ELAVL2: variants seen among roughly 807,000 people sequenced by gnomAD.
ELAVL2 encodes the protein ELAV like RNA binding protein 2.
ELAVL2 carries 4 observed loss-of-function variants against 34.6 expected under a neutral mutation model. That is an observed-to-expected ratio of 0.12 (90% confidence interval 0.06 to 0.26). The LOEUF (loss-of-function observed/expected upper bound fraction) is 0.26, where lower values mean the gene tolerates loss of function less well. ELAVL2 is among the 10% of genes least tolerant of loss of function. The probability of loss-of-function intolerance (pLI) is 1.00; values close to 1 mark genes in which losing one functional copy is unlikely to be tolerated. For synonymous variants in ELAVL2, 193 were observed against 154.8 expected, an observed-to-expected ratio of 1.25 and a Z score of -1.83; for missense variants, 432 against 442.8, an observed-to-expected ratio of 0.98 and a Z score of 0.22.
chr9:23,727,867 G>C, intron 3 of ELAVL2, among the ~76,000 whole-genome samples: 1 of 151,970 alleles, frequency 6.6e-6, no homozygotes, highest in East Asian at 1.9e-4. Flanking sequence ...AGGAGAAACT[G>C]CTAAATAAAC....
the ELAVL2 span, among the ~76,000 whole-genome samples, chr9:23,841,557 C>G: frequency 6.6e-6 from 1 of 152,222 alleles, no homozygotes; most frequent in South Asian, 2.1e-4. Context: ...TCTGAGGACT[C>G]CCTACCCTCG....
chr9:23,717,346 T>C (rs982572760), intron 3 of ELAVL2, among the ~76,000 whole-genome samples: 3 of 152,150 alleles, frequency 2.0e-5, no homozygotes, highest in African/African-American at 7.2e-5. Flanking sequence ...TACGAGCAAA[T>C]TACTTGATCC....
Position 23,755,221 on chromosome 9 carries a change from A to T in ELAVL2, c.229+6785T>A, listed in dbSNP as rs1201577909. Among the ~76,000 whole-genome samples, 3 of 152,144 alleles carry T rather than the reference A, an allele frequency of 2.0e-5. No individual in the cohort carries two copies. The East Asian group carries it at 5.8e-4, about 29-fold the overall frequency. The stretch of plus-strand genomic sequence containing the variant: ...CAGGTACTAAACAAAAGAGGACAGA[A>T]GTTGTTTTTCCTAACAATGATAAAG... On this transcript the variant is annotated intron_variant, in intron 2 of 6. Transcript: ENST00000397312.
At chr9:23,715,686 C>A (rs938394900) in intron 3 of ELAVL2, among the ~76,000 whole-genome samples, 2 of 152,152 alleles carry the variant, frequency 1.3e-5, no homozygotes, top group Non-Finnish European at 2.9e-5. Context: ...ATCAAGATAA[C>A]CATGGCAACT....
intron 1 of ELAVL2, among the ~76,000 whole-genome samples, chr9:23,773,446 G>A (rs879418981): frequency 5.9e-5 from 9 of 152,106 alleles, no homozygotes; most frequent in Non-Finnish European, 1.2e-4. Context: ...AGTTGTCTTA[G>A]TATCATTCAA....
At chr9:23,833,833 A>G in the ELAVL2 span, among the ~76,000 whole-genome samples, 1 of 151,964 alleles carries the variant, frequency 6.6e-6, no homozygotes, top group African/African-American at 2.4e-5. Flanking sequence ...AAAATGTTGG[A>G]AGCTTTTGAA....
intron 2 of ELAVL2, among the ~76,000 whole-genome samples, chr9:23,747,789 C>T (rs955420112): frequency 2.6e-5 from 4 of 152,156 alleles, no homozygotes; most frequent in African/African-American, 9.7e-5. Flanking sequence ...AATTGCTTTT[C>T]AGTTGTCAAT....
At chr9:23,821,803 G>A (rs2064812566) in intron 1 of ELAVL2, 2 of 151,486 alleles carry the variant, frequency 1.3e-5, no homozygotes, top group Non-Finnish European at 2.9e-5. Flanking sequence ...TCACCCGGCC[G>A]GCTACTGCCT....
At chr9:23,831,269 G>A (rs1447842966), upstream of ELAVL2, among the ~76,000 whole-genome samples, 1 of 152,020 alleles carries the variant, frequency 6.6e-6, no homozygotes, top group Non-Finnish European at 1.5e-5. Flanking sequence ...CATCCAGGGC[G>A]CTCCGCACGC....
chr9:23,785,595 C>T (rs1239388416), intron 1 of ELAVL2, among the ~76,000 whole-genome samples: 1 of 152,122 alleles, frequency 6.6e-6, no homozygotes, highest in Non-Finnish European at 1.5e-5. Context: ...AAATTGAAGC[C>T]ACTATAGCTC....
At chr9:23,844,544 G>T in the ELAVL2 span, among the ~76,000 whole-genome samples, 1 of 151,904 alleles carries the variant, frequency 6.6e-6, no homozygotes, top group Non-Finnish European at 1.5e-5. Flanking sequence ...TTTAACAAAG[G>T]ATCGTGGTAG....
intron 2 of ELAVL2, among the ~76,000 whole-genome samples, chr9:23,742,058 T>C (rs938824909): frequency 2.0e-5 from 3 of 152,118 alleles, no homozygotes; most frequent in Admixed American, 2.0e-4. Flanking sequence ...TAAAAGTAAC[T>C]AGAAGGGCAA....
intron 1 of ELAVL2, among the ~76,000 whole-genome samples, chr9:23,799,992 C>G (rs1334684740): frequency 6.6e-6 from 1 of 152,122 alleles, no homozygotes; most frequent in Non-Finnish European, 1.5e-5. Flanking sequence ...TAATCTTTCC[C>G]TATGCAAGAT....
chr9:23,823,525 G>A (rs1356435986), intron 1 of ELAVL2, among the ~76,000 whole-genome samples: 1 of 152,186 alleles, frequency 6.6e-6, no homozygotes, highest in Non-Finnish European at 1.5e-5. Flanking sequence ...GAGGGAACGG[G>A]GAAGAAGTGC....
intron 3 of ELAVL2, among the ~76,000 whole-genome samples, chr9:23,709,550 T>C (rs2040364753): frequency 6.6e-6 from 1 of 152,192 alleles, no homozygotes; most frequent in African/African-American, 2.4e-5. Context: ...AGTATCTTTT[T>C]GGTTCTACAA....
chr9:23,761,930 A>G, intron 2 of ELAVL2, 76 bp downstream of exon 2: 1 of 1,452,558 alleles, frequency 6.9e-7, no homozygotes, highest in Non-Finnish European at 9.1e-7. Flanking sequence ...ATTATTTACA[A>G]GCAGTAATCT....
chr9:23,775,070 G>A (rs2057978205), intron 1 of ELAVL2, among the ~76,000 whole-genome samples: 1 of 152,102 alleles, frequency 6.6e-6, no homozygotes, highest in Non-Finnish European at 1.5e-5. Context: ...AATAGAAAAG[G>A]AACTTTCCGT....
At chr9:23,759,898 T>C (rs1266086325) in intron 2 of ELAVL2, among the ~76,000 whole-genome samples, 1 of 150,956 alleles carries the variant, frequency 6.6e-6, no homozygotes, top group Non-Finnish European at 1.5e-5. Context: ...ATAGAAATTT[T>C]ACCACAGTGG....
At chr9:23,709,165 CT>C (rs1403405620) in intron 3 of ELAVL2, among the ~76,000 whole-genome samples, 4 of 152,174 alleles carry the variant, frequency 2.6e-5, no homozygotes, top group African/African-American at 7.2e-5. Flanking sequence ...GGTCCTACCC[CT>C]ATCCCTTTAT....
Sources: gnomAD v4.1 joint callset for allele counts (sites outside exome capture counted in the v4.1 genomes callset) on GRCh38, gnomAD v4.1.1 for gene constraint, MANE v1.5 for transcripts, NCBI Gene and HGNC (gene_info 2026-07-23, HGNC 2026-07-21) for gene names.